The following FER variants were observed in gnomAD, a reference collection of about 807,000 sequenced individuals.
FER encodes FER tyrosine kinase, also known as tyrosine-protein kinase Fer.
Under a neutral mutation model 111.0 loss-of-function variants are expected in FER, and 63 were observed. That is an observed-to-expected ratio of 0.57 (90% CI 0.46 to 0.70). The LOEUF is 0.70. Ranked by LOEUF, FER falls within the 30% of genes least tolerant of loss-of-function variation. FER has a pLI of 0.00. For missense variants in FER, 914 were observed against 954.0 expected (o/e 0.96, Z 0.55); for synonymous variants, 327 against 313.9 (o/e 1.04, Z -0.44).
intron 10 of FER, among the ~76,000 whole-genome samples, chr5:108,928,260 C>T (rs1754066952): frequency 6.6e-6 from 1 of 152,190 alleles, no homozygotes; most frequent in Admixed American, 6.5e-5. Flanking sequence ...CTGGCCATCA[C>T]ACCTTGCTTT....
intron 17 of FER, among the ~76,000 whole-genome samples, chr5:109,140,725 CATT>C (rs1235264274): frequency 6.6e-6 from 1 of 152,110 alleles, no homozygotes; most frequent in East Asian, 1.9e-4. Flanking sequence ...TAACTGGAGA[CATT>C]ATTAATACAC....
At chr5:109,182,674 T>C (rs559043008) in intron 18 of FER, among the ~76,000 whole-genome samples, 14 of 152,334 alleles carry the variant, frequency 9.2e-5, no homozygotes, top group African/African-American at 3.4e-4. Flanking sequence ...AAAGTCCTCT[T>C]ACTCTTAAAC....
At chr5:109,063,817 T>C (rs923324092) in intron 16 of FER, among the ~76,000 whole-genome samples, 2 of 152,228 alleles carry the variant, frequency 1.3e-5, no homozygotes, top group African/African-American at 4.8e-5. Flanking sequence ...TGAGCCTAAA[T>C]GCATGCAATT....
At chr5:108,816,032 C>A (rs1013903475) in intron 3 of FER, among the ~76,000 whole-genome samples, 1 of 152,010 alleles carries the variant, frequency 6.6e-6, no homozygotes, top group Non-Finnish European at 1.5e-5. Context: ...CATAGCAAGA[C>A]CCTGTCTTAA....
chr5:108,815,830 G>C (rs1260150559), intron 3 of FER, among the ~76,000 whole-genome samples: 21 of 152,132 alleles, frequency 1.4e-4, no homozygotes, highest in Admixed American at 1.4e-3. Context: ...AATGTAACTT[G>C]AGCCTGTACA....
rs181981307 is a variant in FER at position 108,882,248 on chromosome 5, G to A, written c.924-1148G>A. 3.9e-4 allele frequency among the ~76,000 whole-genome samples: 59 copies of A among 151,762 alleles called. No individual in the cohort carries two copies. In the East Asian group the frequency reaches 0.011, roughly 29 times the overall value. The stretch of plus-strand genomic sequence containing the variant: ...TTCCAAGATGACCCCTGAAAAATCT[G>A]TGCCAATTTTTTCACATCAGTGATG... On this transcript the variant is annotated intron_variant, in intron 8 of 19. Coordinates refer to ENST00000281092, the MANE Select transcript of FER (RefSeq NM_005246.4).
intron 13 of FER, among the ~76,000 whole-genome samples, chr5:109,030,068 A>G (rs1346522280): frequency 1.3e-5 from 2 of 152,112 alleles, no homozygotes; most frequent in Admixed American, 6.6e-5. Context: ...CTCAAGTTCA[A>G]TGATTAGCCT....
chr5:109,037,359 A>G, intron 13 of FER, 63 bp from the exon 14 acceptor site: 1 of 1,419,234 alleles, frequency 7.0e-7, no homozygotes, highest in East Asian at 2.3e-5. Context: ...CACTGGCTCA[A>G]ATGCAACTTC....
At chr5:109,155,858 G>A (rs977729778) in intron 17 of FER, among the ~76,000 whole-genome samples, 4 of 151,982 alleles carry the variant, frequency 2.6e-5, no homozygotes, top group African/African-American at 9.7e-5. Context: ...AAGGGAAACA[G>A]TGTGGTTATA....
At chr5:108,774,522 A>T (rs553775555) in intron 2 of FER, among the ~76,000 whole-genome samples, 2 of 152,166 alleles carry the variant, frequency 1.3e-5, no homozygotes, top group African/African-American at 2.4e-5. Context: ...TCCCATCAAC[A>T]GTGTAAAAGC....
intron 16 of FER, among the ~76,000 whole-genome samples, chr5:109,052,916 T>G (rs6883695): frequency 0.015 from 2,266 of 152,330 alleles, 45 homozygotes; most frequent in African/African-American, 0.051. Context: ...TTCAGTTACA[T>G]TAAGTTCATT....
At chr5:108,816,527 C>T (rs1561461462) in intron 3 of FER, among the ~76,000 whole-genome samples, 1 of 152,140 alleles carries the variant, frequency 6.6e-6, no homozygotes, top group African/African-American at 2.4e-5. Context: ...TAAAACTATG[C>T]AAAGTTTTTT....
intron 17 of FER, among the ~76,000 whole-genome samples, chr5:109,102,664 C>A (rs1008938194): frequency 2.6e-5 from 4 of 152,016 alleles, no homozygotes; most frequent in African/African-American, 9.7e-5. Flanking sequence ...TCATTTAATT[C>A]TTCTAAACTA....
rs150788153 is a variant in FER at position 109,026,151 on chromosome 5, A to G, written c.1657-11271A>G. On this transcript the variant is annotated intron_variant, in intron 13 of 19. Coordinates refer to ENST00000281092, the MANE Select transcript of FER (RefSeq NM_005246.4). ...TATTTTATAAGTAGGGAAATTACATAGACATACATTAAAAATAAGAACCAA... is the reference window on the plus strand; with the variant it reads ...TATTTTATAAGTAGGGAAATTACATGGACATACATTAAAAATAAGAACCAA... Among the ~76,000 whole-genome samples the G allele has an allele frequency of 3.3e-5, 5 of 152,330 alleles. No individual in the cohort carries two copies. The East Asian group carries it at 7.7e-4, about 23-fold the overall frequency.
chr5:109,137,376 TTCTGCCATG>T (rs1753012395), intron 17 of FER, among the ~76,000 whole-genome samples: 1 of 152,216 alleles, frequency 6.6e-6, no homozygotes, highest in African/African-American at 2.4e-5. Context: ...AGCTGTATAG[TTCTGCCATG>T]TTTGTTCCTA....
intron 10 of FER, among the ~76,000 whole-genome samples, chr5:108,941,273 T>C (rs1012031716): frequency 5.3e-5 from 8 of 152,168 alleles, no homozygotes; most frequent in African/African-American, 1.4e-4. Context: ...GCTCCAACTC[T>C]CCAGCAGCCT....
At chr5:108,916,484 A>G (rs900226810) in intron 10 of FER, among the ~76,000 whole-genome samples, 1 of 152,178 alleles carries the variant, frequency 6.6e-6, no homozygotes, top group Non-Finnish European at 1.5e-5. Flanking sequence ...AAATGTAATT[A>G]ATTGTAGCAT....
chr5:109,171,510 T>C (rs1018285704), intron 17 of FER, among the ~76,000 whole-genome samples: 1 of 152,190 alleles, frequency 6.6e-6, no homozygotes, highest in Non-Finnish European at 1.5e-5. Flanking sequence ...CTGGCACATA[T>C]AAAGGACTCA....
At chr5:108,774,508 ACATTCC>A (rs1163334945) in intron 2 of FER, among the ~76,000 whole-genome samples, 2 of 152,162 alleles carry the variant, frequency 1.3e-5, no homozygotes, top group African/African-American at 4.8e-5. Context: ...GAACTAATTT[ACATTCC>A]CATCAACAGT....
Sources: allele counts gnomAD v4.1 joint callset (sites outside exome capture counted in the v4.1 genomes callset), GRCh38; gene constraint gnomAD v4.1.1; transcripts MANE v1.5; gene names NCBI Gene and HGNC (gene_info 2026-07-23, HGNC 2026-07-21).